The following HPSE2 variants were observed in gnomAD, a reference collection of about 807,000 sequenced individuals.
HPSE2 encodes the protein heparanase 2 (inactive), also known as inactive heparanase-2.
In HPSE2, 38 loss-of-function variants were observed where a neutral mutation model predicts 60.5. The ratio of observed to expected loss-of-function variants is 0.63; its 90% CI spans 0.48 to 0.82. The LOEUF is 0.82. Among genes scored for constraint, HPSE2 ranks in the 40% least tolerant of loss-of-function variants. The pLI is 0.00. For missense variants in HPSE2, 713 were observed against 740.4 expected (o/e 0.96, Z 0.43); for synonymous variants, 295 against 293.2 (o/e 1.01, Z -0.06).
chr10:99,141,001 C>A (rs908325364), intron 3 of HPSE2, among the ~76,000 whole-genome samples: 1 of 152,166 alleles, frequency 6.6e-6, no homozygotes, highest in Non-Finnish European at 1.5e-5. Context: ...TGTGCCACTG[C>A]ACTCCAGCCT....
chr10:99,233,619 A>C (rs148216670), intron 1 of HPSE2, among the ~76,000 whole-genome samples: 130 of 152,344 alleles, frequency 8.5e-4, no homozygotes, highest in Middle Eastern at 3.4e-3. Flanking sequence ...TGAAAACCCA[A>C]ATCCACATGG....
At chr10:99,205,861 T>C (rs962168160) in intron 2 of HPSE2, among the ~76,000 whole-genome samples, 1 of 152,220 alleles carries the variant, frequency 6.6e-6, no homozygotes, top group African/African-American at 2.4e-5. Context: ...TAACCATCTC[T>C]GCATGAGCAA....
chr10:99,064,918 AC>A (rs1229456879), intron 3 of HPSE2, among the ~76,000 whole-genome samples: 2 of 152,182 alleles, frequency 1.3e-5, no homozygotes, highest in African/African-American at 4.8e-5. Context: ...TAGAAACAAT[AC>A]AATCAGAAAA....
At chr10:98,879,890 G>GTGA (rs1471179472) in intron 3 of HPSE2, among the ~76,000 whole-genome samples, 2 of 117,358 alleles carry the variant, frequency 1.7e-5, no homozygotes, top group Non-Finnish European at 3.9e-5. Flanking sequence ...TGTGTGTGAT[G>GTGA]TGTTTCTGCA....
intron 3 of HPSE2, among the ~76,000 whole-genome samples, chr10:99,030,141 A>G (rs1172549241): frequency 6.6e-6 from 1 of 152,196 alleles, no homozygotes; most frequent in Non-Finnish European, 1.5e-5. Flanking sequence ...GGATTATTAT[A>G]ATATTGGGAT....
intron 3 of HPSE2, among the ~76,000 whole-genome samples, chr10:98,837,386 G>T (rs2134676597): frequency 6.6e-6 from 1 of 152,294 alleles, no homozygotes; most frequent in African/African-American, 2.4e-5. Context: ...AATGACAGTT[G>T]TCTATTTCAA....
intron 3 of HPSE2, among the ~76,000 whole-genome samples, chr10:99,054,360 T>C (rs1251504196): frequency 3.3e-5 from 5 of 152,156 alleles, no homozygotes; most frequent in African/African-American, 1.2e-4. Context: ...ATAACTTTAA[T>C]AACACTGCTG....
At position 98,897,148 on chromosome 10, in the gene HPSE2, C is replaced by A. The variant is rs903608215; in HGVS notation, c.611-153092G>T. 2.0e-5 allele frequency among the ~76,000 whole-genome samples: 3 copies of A among 151,892 alleles called. No homozygotes were observed. In the East Asian group the frequency reaches 5.8e-4, roughly 29 times the overall value. ...GAGCTAAGCTATGAGGATGCAAAGG[C>A]ATAAGAATTATATAATGGACTTTGG... is the stretch of plus-strand genomic sequence containing the variant. On this transcript the variant is annotated intron_variant, in intron 3 of 11. Coordinates refer to ENST00000370552, the MANE Select transcript of HPSE2 (RefSeq NM_021828.5).
intron 7 of HPSE2, among the ~76,000 whole-genome samples, chr10:98,628,307 A>T (rs1340732124): frequency 6.6e-6 from 1 of 152,126 alleles, no homozygotes; most frequent in Non-Finnish European, 1.5e-5. Context: ...AAGAGGAGAG[A>T]AAAAAATTAG....
At chr10:98,795,378 C>A (rs765154968) in intron 3 of HPSE2, among the ~76,000 whole-genome samples, 1 of 152,204 alleles carries the variant, frequency 6.6e-6, no homozygotes, top group Non-Finnish European at 1.5e-5. Context: ...AGAGACAGCA[C>A]AGCAGATGGG....
chr10:99,037,089 C>A (rs1300333142), intron 3 of HPSE2, among the ~76,000 whole-genome samples: 1 of 152,152 alleles, frequency 6.6e-6, no homozygotes, highest in African/African-American at 2.4e-5. Flanking sequence ...TCCATAACTT[C>A]AGTCTAAACA....
intron 3 of HPSE2, among the ~76,000 whole-genome samples, chr10:98,816,430 T>C (rs1471027956): frequency 1.3e-5 from 2 of 152,120 alleles, no homozygotes; most frequent in African/African-American, 4.8e-5. Flanking sequence ...ATTTAAAGTA[T>C]TTTATGGCCC....
At chr10:99,290,649 G>C in the HPSE2 span, among the ~76,000 whole-genome samples, 6 of 152,144 alleles carry the variant, frequency 3.9e-5, no homozygotes, top group Non-Finnish European at 7.3e-5. Context: ...TAGTGGGTTG[G>C]GGCACAGAGT....
At chr10:99,174,554 C>T (rs1428481833) in intron 2 of HPSE2, among the ~76,000 whole-genome samples, 3 of 152,126 alleles carry the variant, frequency 2.0e-5, no homozygotes, top group Non-Finnish European at 4.4e-5. Flanking sequence ...CACTTCAAAT[C>T]CTAGATTGGT....
chr10:98,610,826 A>T (rs1945734819), intron 9 of HPSE2, among the ~76,000 whole-genome samples: 1 of 152,224 alleles, frequency 6.6e-6, no homozygotes, highest in Non-Finnish European at 1.5e-5. Context: ...GAATTGTGTG[A>T]AGACAGCCTG....
chr10:98,517,440 C>A, intron 9 of HPSE2, among the ~76,000 whole-genome samples: 1 of 152,176 alleles, frequency 6.6e-6, no homozygotes. Flanking sequence ...ATTCCCTTCC[C>A]ATAGAACATC....
the HPSE2 span, among the ~76,000 whole-genome samples, chr10:99,284,407 A>G: frequency 6.6e-6 from 1 of 152,152 alleles, no homozygotes; most frequent in Non-Finnish European, 1.5e-5. Flanking sequence ...ATACAAAAAA[A>G]CTCACATCTA....
chr10:99,092,773 G>GT (rs1466898951), intron 3 of HPSE2, among the ~76,000 whole-genome samples: 1 of 152,040 alleles, frequency 6.6e-6, no homozygotes, highest in Non-Finnish European at 1.5e-5. Context: ...CAAAGTTGTT[G>GT]TAACAATTAG....
chr10:98,840,340 G>A (rs895380891), intron 3 of HPSE2, among the ~76,000 whole-genome samples: 2 of 152,192 alleles, frequency 1.3e-5, no homozygotes, highest in Non-Finnish European at 2.9e-5. Context: ...GACTCCATCC[G>A]TAGATGTTAA....
Sources: gnomAD v4.1 joint callset for allele counts (sites outside exome capture counted in the v4.1 genomes callset) on GRCh38, gnomAD v4.1.1 for gene constraint, MANE v1.5 for transcripts, NCBI Gene and HGNC (gene_info 2026-07-23, HGNC 2026-07-21) for gene names.